Variants in BRINP3 observed in about 807,000 individuals in gnomAD.
The protein encoded by BRINP3 is BMP/retinoic acid-inducible neural-specific protein 3.
BRINP3 carries 19 observed loss-of-function variants against 71.0 expected under a neutral mutation model. The ratio of observed to expected loss-of-function variants is 0.27; its 90% CI spans 0.19 to 0.39. The LOEUF is 0.39. Ranked by LOEUF, BRINP3 falls within the 10% of genes least tolerant of loss-of-function variation. The probability of loss-of-function intolerance (pLI) is 1.00; values close to 1 mark genes in which losing one functional copy is unlikely to be tolerated. For synonymous variants in BRINP3, 380 were observed against 337.7 expected (o/e 1.13, Z -1.37); for missense variants, 959 against 940.8 (o/e 1.02, Z -0.25).
At chr1:190,254,900 TCTGAGTTTG>T (rs1571526784) in intron 4 of BRINP3, among the ~76,000 whole-genome samples, 1 of 152,030 alleles carries the variant, frequency 6.6e-6, no homozygotes, top group East Asian at 1.9e-4. Context: ...TATGATATTG[TCTGAGTTTG>T]CCATAAATAA....
intron 2 of BRINP3, among the ~76,000 whole-genome samples, chr1:190,323,526 A>T (rs1381536263): frequency 6.6e-6 from 1 of 151,812 alleles, no homozygotes; most frequent in African/African-American, 2.4e-5. Flanking sequence ...TTTTCATCTA[A>T]TGAGAGTTAT....
intron 7 of BRINP3, among the ~76,000 whole-genome samples, chr1:190,101,783 A>C (rs763228519): frequency 8.5e-5 from 13 of 152,210 alleles, no homozygotes; most frequent in Non-Finnish European, 1.8e-4. Context: ...AGAAGAAAAC[A>C]AAAAATGAAA....
intron 2 of BRINP3, 136 bp from the exon 3 acceptor site, chr1:190,281,886 G>A (rs972182174): frequency 8.7e-6 from 6 of 689,362 alleles, no homozygotes; most frequent in Non-Finnish European, 9.1e-6. Context: ...ATGAGTAGGA[G>A]AAGCAATATT....
intron 2 of BRINP3, among the ~76,000 whole-genome samples, chr1:190,440,163 A>C (rs1201631115): frequency 6.6e-6 from 1 of 151,988 alleles, no homozygotes; most frequent in African/African-American, 2.4e-5. Context: ...CTAAAAATAT[A>C]ATCTAAGGAA....
At chr1:190,102,659 A>G (rs1651801352) in intron 7 of BRINP3, among the ~76,000 whole-genome samples, 1 of 152,046 alleles carries the variant, frequency 6.6e-6, no homozygotes, top group African/African-American at 2.4e-5. Context: ...GGGAGGGGAT[A>G]AATACATTAT....
chr1:190,228,073 C>T (rs1455194735), intron 5 of BRINP3, among the ~76,000 whole-genome samples: 1 of 151,856 alleles, frequency 6.6e-6, no homozygotes, highest in African/African-American at 2.4e-5. Context: ...TGAGAATCTG[C>T]TAGATAGTAC....
At chr1:190,265,170 T>G in intron 3 of BRINP3, 115 bp from the exon 4 acceptor site, 1 of 902,782 alleles carries the variant, frequency 1.1e-6, no homozygotes, top group Non-Finnish European at 1.6e-6. Flanking sequence ...GAGTGATATA[T>G]GCCAAAAGGG....
intron 2 of BRINP3, among the ~76,000 whole-genome samples, chr1:190,356,343 T>G (rs1558212237): frequency 6.6e-6 from 1 of 152,010 alleles, no homozygotes; most frequent in East Asian, 1.9e-4. Flanking sequence ...GTCATTTTTT[T>G]CCTATGACCC....
At chr1:190,300,486 A>C (rs1302367864) in intron 2 of BRINP3, among the ~76,000 whole-genome samples, 2 of 152,110 alleles carry the variant, frequency 1.3e-5, no homozygotes, top group Non-Finnish European at 2.9e-5. Flanking sequence ...GCACAGACAA[A>C]CAAAAAGACA....
chr1:190,147,487 T>G (rs1284387165), intron 7 of BRINP3, among the ~76,000 whole-genome samples: 1 of 152,206 alleles, frequency 6.6e-6, no homozygotes, highest in Non-Finnish European at 1.5e-5. Context: ...AAAGTCCTTT[T>G]GTTTTCCTCT....
chr1:190,336,647 C>G (rs1251322213), intron 2 of BRINP3, among the ~76,000 whole-genome samples: 1 of 152,034 alleles, frequency 6.6e-6, no homozygotes, highest in Non-Finnish European at 1.5e-5. Context: ...TAAATTAAAA[C>G]TGGTGTAGAC....
intron 6 of BRINP3, among the ~76,000 whole-genome samples, chr1:190,163,892 C>A (rs1446504124): frequency 6.6e-6 from 1 of 151,866 alleles, no homozygotes; most frequent in African/African-American, 2.4e-5. Flanking sequence ...ATTATTTATC[C>A]CAGTAATCCT....
chr1:190,158,457 T>A (rs1208803412), intron 7 of BRINP3, among the ~76,000 whole-genome samples: 1 of 152,056 alleles, frequency 6.6e-6, no homozygotes, highest in Non-Finnish European at 1.5e-5. Context: ...CACTAGAGAC[T>A]ATTAGAGTGG....
At chr1:190,241,510 C>A (rs535779627) in intron 4 of BRINP3, among the ~76,000 whole-genome samples, 1 of 151,902 alleles carries the variant, frequency 6.6e-6, no homozygotes, top group African/African-American at 2.4e-5. Flanking sequence ...CAATAAAACA[C>A]AATTTAATTG....
chr1:190,175,534 T>C (rs1652425989), intron 6 of BRINP3, among the ~76,000 whole-genome samples: 1 of 152,140 alleles, frequency 6.6e-6, no homozygotes. Context: ...TTGGAGCCCA[T>C]ACAAACGTTA....
intron 7 of BRINP3, among the ~76,000 whole-genome samples, chr1:190,152,119 A>T (rs1656447106): frequency 6.6e-6 from 1 of 152,184 alleles, no homozygotes; most frequent in Admixed American, 6.6e-5. Flanking sequence ...TCCCTTTTAA[A>T]AAAGGAATGT....
intron 2 of BRINP3, among the ~76,000 whole-genome samples, chr1:190,428,426 TC>T (rs745543501): frequency 3.3e-5 from 5 of 150,908 alleles, no homozygotes; most frequent in African/African-American, 7.3e-5. Context: ...TACCTCATAA[TC>T]CCCCCCCAAA....
intron 4 of BRINP3, among the ~76,000 whole-genome samples, chr1:190,239,999 T>C (rs1477899064): frequency 6.6e-6 from 1 of 151,654 alleles, no homozygotes; most frequent in Non-Finnish European, 1.5e-5. Context: ...TTTTTTTTAT[T>C]TCAAGGCTAC....
At chr1:190,394,841 G>A (rs1214212054) in intron 2 of BRINP3, among the ~76,000 whole-genome samples, 4 of 151,510 alleles carry the variant, frequency 2.6e-5, no homozygotes, top group African/African-American at 9.7e-5. Flanking sequence ...ACTCTGGGGA[G>A]TACACAGTGC....
Sources: allele counts gnomAD v4.1 joint callset (sites outside exome capture counted in the v4.1 genomes callset), GRCh38; gene constraint gnomAD v4.1.1; transcripts MANE v1.5; gene names NCBI Gene and HGNC (gene_info 2026-07-23, HGNC 2026-07-21).